The following SEMA3E variants were observed in gnomAD, a reference collection of about 807,000 sequenced individuals.
SEMA3E encodes semaphorin 3E.
SEMA3E carries 49 observed loss-of-function variants against 93.6 expected under a neutral mutation model. The observed-to-expected ratio is 0.52, with a 90% confidence interval of 0.42 to 0.66. The LOEUF is 0.66. Ranked by LOEUF, SEMA3E falls within the 30% of genes least tolerant of loss-of-function variation. SEMA3E has a pLI of 0.00. For missense variants in SEMA3E, 906 were observed against 964.8 expected, an observed-to-expected ratio of 0.94 and a Z score of 0.81; for synonymous variants, 363 against 330.7, an observed-to-expected ratio of 1.10 and a Z score of -1.06.
At chr7:83,387,882 A>ATATATATATAACATTATATACATGTT (rs1787914498) in intron 14 of SEMA3E, among the ~76,000 whole-genome samples, 1 of 142,822 alleles carries the variant, frequency 7.0e-6, no homozygotes, top group African/African-American at 2.7e-5. Context: ...ATATATGTTT[A>ATATATATATAACATTATATACATGTT]TATATATATA....
At chr7:83,373,638 T>C (rs1275365495) in intron 16 of SEMA3E, among the ~76,000 whole-genome samples, 1 of 152,086 alleles carries the variant, frequency 6.6e-6, no homozygotes, top group Non-Finnish European at 1.5e-5. Flanking sequence ...TACAAGATTA[T>C]GCAGGAAAGA....
chr7:83,587,190 T>TTA (rs921699215), intron 1 of SEMA3E, among the ~76,000 whole-genome samples: 78 of 152,222 alleles, frequency 5.1e-4, no homozygotes, highest in African/African-American at 1.8e-3. Flanking sequence ...CTTTAAAGAT[T>TTA]TATATATATA....
chr7:83,603,678 G>A lies in SEMA3E; in HGVS notation c.115+44750C>T, dbSNP rs117977737. Among the ~76,000 whole-genome samples the A allele has an allele frequency of 2.6e-4, 40 of 152,214 alleles. No individual in the cohort carries two copies. In the East Asian group the frequency reaches 7.5e-3, roughly 29 times the overall value. On this transcript the variant is annotated intron_variant, in intron 1 of 16. Coordinates refer to ENST00000643230, the MANE Select transcript of SEMA3E (RefSeq NM_012431.3). ...AGATAGATATAGTTTTATTTAAAGT[G>A]TAAAGAAGAAAGACCAAAAGCTTAA...
intron 1 of SEMA3E, among the ~76,000 whole-genome samples, chr7:83,552,565 G>A (rs1187813551): frequency 6.6e-6 from 1 of 152,156 alleles, no homozygotes; most frequent in East Asian, 1.9e-4. Flanking sequence ...AAACAGATGT[G>A]CAAGTAGGGA....
At chr7:83,514,035 G>A (rs1790878886) in intron 1 of SEMA3E, among the ~76,000 whole-genome samples, 2 of 152,078 alleles carry the variant, frequency 1.3e-5, no homozygotes, top group Admixed American at 1.3e-4. Context: ...TTGCAGTAAA[G>A]AAGCCACCTA....
intron 1 of SEMA3E, among the ~76,000 whole-genome samples, chr7:83,625,801 C>T (rs1046110011): frequency 2.0e-5 from 3 of 151,956 alleles, no homozygotes; most frequent in African/African-American, 4.8e-5. Flanking sequence ...AAAGGGAATG[C>T]TTCCAGCTTT....
chr7:83,588,198 A>G (rs1169820756), intron 1 of SEMA3E, among the ~76,000 whole-genome samples: 1 of 152,066 alleles, frequency 6.6e-6, no homozygotes, highest in South Asian at 2.1e-4. Context: ...CCTTGCCAAC[A>G]TGGTGAAACC....
intron 1 of SEMA3E, among the ~76,000 whole-genome samples, chr7:83,601,684 A>G (rs1421941404): frequency 6.6e-6 from 1 of 152,130 alleles, no homozygotes; most frequent in Non-Finnish European, 1.5e-5. Context: ...CGTCATGTGT[A>G]CAAAGAAATA....
At position 83,497,144 on chromosome 7, in the gene SEMA3E, C is replaced by T. The variant is rs149031063; in HGVS notation, c.116-6870G>A. On this transcript the variant is annotated intron_variant, in intron 1 of 16. Transcript: ENST00000643230. ...CTCTGAGGATTTAGTCATTTCCTCT[C>T]GTGGCCTTTCCTTTTAACCTGCAAG... 7.8e-4 allele frequency among the ~76,000 whole-genome samples: 119 copies of T among 152,224 alleles called. 1 individual carries two copies. The highest frequency in any genetic ancestry group is 2.7e-3 in the African/African-American group (111 of 41,560).
chr7:83,375,682 C>T (rs918754168), intron 16 of SEMA3E, among the ~76,000 whole-genome samples: 1 of 151,990 alleles, frequency 6.6e-6, no homozygotes, highest in Non-Finnish European at 1.5e-5. Context: ...CCGGTTTAAT[C>T]AGATGCACAA....
rs751165516 is a variant in SEMA3E at position 83,648,532 on chromosome 7, G to A, written c.11C>T (p.Ala4Val). ...CAGGAGCAAGGTGATAATGTGCCCC[G>A]CGGATGCCATGCTGCCGTGTTCACC... is the stretch of plus-strand genomic sequence containing the variant. MAS[A>V]GHIITLLLWG... The change falls in exon 1 of 17, where the codon GCG (alanine) becomes GTG (valine). Residue 4 changes from alanine to valine, a missense_variant. Physicochemically the swap from Ala to Val is moderately conservative, Grantham distance 64. Transcript: ENST00000643230. 7.4e-6 allele frequency: 12 copies of A among 1,612,988 alleles called. No homozygotes were observed. The highest frequency in any genetic ancestry group is 6.6e-5 in the South Asian group (6 of 91,042).
rs1425877073 is a variant in SEMA3E at position 83,584,463 on chromosome 7, T to TA, written c.115+63964dup. ...TGAGTAGGACTCGAACACTAATTTC[T>TA]AAAAAATACCACTGGTAGAAAATTA... On this transcript the variant is annotated intron_variant, in intron 1 of 16. Transcript: ENST00000643230. 1.1e-4 allele frequency among the ~76,000 whole-genome samples: 17 copies of TA among 152,252 alleles called. No individual in the cohort carries two copies. In the East Asian group the frequency reaches 3.1e-3, roughly 28 times the overall value.
In SEMA3E at chr7:83,486,975, C is replaced by T. The variant is rs73376736; in HGVS notation, c.276+3139G>A. 7.6e-3 allele frequency among the ~76,000 whole-genome samples: 1,154 copies of T among 152,194 alleles called. 14 individuals are homozygous for T. Among genetic ancestry groups the T allele is most frequent in the African/African-American group, 0.027 (1,104 of 41,528 alleles). The stretch of plus-strand genomic sequence containing the variant: ...TCCTTGACATCCTGGCTAGATGGCA[C>T]CCTGAAGCTCAATGGCCACATATCA... On this transcript the variant is annotated intron_variant, in intron 2 of 16. Coordinates refer to ENST00000643230, the MANE Select transcript of SEMA3E (RefSeq NM_012431.3).
In SEMA3E at chr7:83,526,879, G is replaced by A. The variant is rs563797257; in HGVS notation, c.116-36605C>T. Among the ~76,000 whole-genome samples, 148 of 152,260 alleles carry A rather than the reference G, an allele frequency of 9.7e-4. 4 individuals are homozygous for A. Among genetic ancestry groups the A allele is most frequent in the Admixed American group, 8.1e-3 (123 of 15,272 alleles). On this transcript the variant is annotated intron_variant, in intron 1 of 16. Coordinates refer to ENST00000643230, the MANE Select transcript of SEMA3E (RefSeq NM_012431.3). ...AAGTAGTCTCATATTGTGGCTGCAC[G>A]TGGATCAGCTCTGACTACCTCCATG... is the stretch of plus-strand genomic sequence containing the variant.
intron 4 of SEMA3E, among the ~76,000 whole-genome samples, chr7:83,436,472 T>C (rs1789007315): frequency 6.6e-6 from 1 of 151,728 alleles, no homozygotes; most frequent in South Asian, 2.1e-4. Context: ...ACTTGTTAAA[T>C]ATATATACAT....
intron 1 of SEMA3E, among the ~76,000 whole-genome samples, chr7:83,613,645 T>C (rs1173788191): frequency 6.6e-6 from 1 of 152,108 alleles, no homozygotes; most frequent in Non-Finnish European, 1.5e-5. Flanking sequence ...ATTTCAATTG[T>C]TTGGATCATA....
intron 12 of SEMA3E, among the ~76,000 whole-genome samples, chr7:83,394,956 A>C (rs1053403331): frequency 6.6e-6 from 1 of 152,178 alleles, no homozygotes; most frequent in Non-Finnish European, 1.5e-5. Flanking sequence ...GGAGCACAAT[A>C]AACTCAGATC....
intron 4 of SEMA3E, among the ~76,000 whole-genome samples, chr7:83,460,762 G>A (rs1020408256): frequency 3.4e-5 from 5 of 146,344 alleles, no homozygotes; most frequent in East Asian, 4.1e-4. Context: ...TCCGTGCCCC[G>A]GCCCCTTATT....
At chr7:83,575,042 T>C (rs547410418) in intron 1 of SEMA3E, among the ~76,000 whole-genome samples, 2 of 152,286 alleles carry the variant, frequency 1.3e-5, no homozygotes, top group South Asian at 4.1e-4. Context: ...GTTAAGCTTA[T>C]TTATTTTTCT....
Sources: allele counts gnomAD v4.1 joint callset (sites outside exome capture counted in the v4.1 genomes callset), GRCh38; gene constraint gnomAD v4.1.1; transcripts MANE v1.5; gene names NCBI Gene and HGNC (gene_info 2026-07-23, HGNC 2026-07-21).